Variants in PRDM2 observed in about 807,000 individuals in gnomAD.
PRDM2 encodes PR/SET domain 2.
In PRDM2, 30 loss-of-function variants were observed where a neutral mutation model predicts 130.0. That is an observed-to-expected ratio of 0.23 (90% CI 0.17 to 0.31). The LOEUF (loss-of-function observed/expected upper bound fraction) is 0.31. Among genes scored for constraint, PRDM2 ranks in the 10% least tolerant of loss-of-function variants. The pLI, the probability that PRDM2 is intolerant of heterozygous loss-of-function variation, is 1.00. For missense variants in PRDM2, 2,011 were observed against 2,108.4 expected (o/e 0.95, Z 0.90); for synonymous variants, 871 against 782.4 (o/e 1.11, Z -1.89).
rs746647797 is a variant in PRDM2, at chr1:13,781,041, A to G, written c.3246A>G (p.Ser1082=). 2 of 1,610,146 alleles carry G rather than the reference A, an allele frequency of 1.2e-6. No individual in the cohort carries two copies. The highest frequency in any genetic ancestry group is 1.3e-5 in the African/African-American group (1 of 74,554). Residue 1082 remains serine (S), a synonymous_variant, in exon 8 of 10, where the codon TCA becomes TCG. Transcript: ENST00000311066. This position sits in a 1 kb window ranked among gnomAD's most constrained non-coding sequence, Gnocchi z 6.1. ...SPSPPPLSAI[S]SVVSSGDNLE... is the part of the protein sequence containing the mutation. Reference sequence around the variant, plus strand: ...CTCCACCTCCTCTCTCCGCAATATCATCTGTTGTTTCCTCTGGTGATAATC... The same window carrying G: ...CTCCACCTCCTCTCTCCGCAATATCGTCTGTTGTTTCCTCTGGTGATAATC...
At chr1:13,704,742 T>G (rs1337550783) in intron 1 of PRDM2, 2 of 152,236 alleles carry the variant, frequency 1.3e-5, no homozygotes, top group Non-Finnish European at 2.9e-5. Flanking sequence ...TCACATAATT[T>G]AAATTATGCC....
chr1:13,792,473 C>A (rs1157212909), intron 8 of PRDM2, among the ~76,000 whole-genome samples: 1 of 152,114 alleles, frequency 6.6e-6, no homozygotes, highest in Non-Finnish European at 1.5e-5. Context: ...TTCAATTTTC[C>A]TTGCGGTAAC....
chr1:13,783,750 G>T (rs1168775567), intron 8 of PRDM2, among the ~76,000 whole-genome samples: 1 of 152,194 alleles, frequency 6.6e-6, no homozygotes, highest in Admixed American at 6.5e-5. Flanking sequence ...TTTCTGAATA[G>T]TTCAGTCTCA....
Position 13,700,238 on chromosome 1 carries a change from C to T in PRDM2, c.-128C>T, listed in dbSNP as rs1305277658. ...GCGGCGCGGCCGCGGGCGCCGGGGC[C>T]GGCGAAACAGCGGCGGCGGCGGCGG... On this transcript the variant is annotated 5_prime_UTR_variant, in exon 1 of 10. Transcript: ENST00000311066. 4 of 152,388 alleles carry T rather than the reference C, an allele frequency of 2.6e-5. No homozygotes were observed. The highest frequency in any genetic ancestry group is 2.4e-5 in the African/African-American group (1 of 41,328). 9.4% of individuals were successfully genotyped at this position (152,388 alleles called of 1,614,324 possible). A position where few individuals can be genotyped will look rare whatever the true frequency, so the allele number is the denominator to read the frequency against.
intron 6 of PRDM2, among the ~76,000 whole-genome samples, chr1:13,770,689 C>G (rs920925818): frequency 2.6e-5 from 4 of 152,092 alleles, no homozygotes; most frequent in African/African-American, 9.7e-5. Flanking sequence ...TAAGTAAGTA[C>G]TAAGTAAATG....
intron 8 of PRDM2, among the ~76,000 whole-genome samples, chr1:13,802,242 G>A (rs545959847): frequency 3.3e-5 from 5 of 152,162 alleles, no homozygotes; most frequent in Non-Finnish European, 7.3e-5. Flanking sequence ...CCAAGTGAGC[G>A]TGCCTTTCCC....
At chr1:13,796,939 A>G (rs553619623) in intron 8 of PRDM2, among the ~76,000 whole-genome samples, 6 of 152,378 alleles carry the variant, frequency 3.9e-5, no homozygotes, top group African/African-American at 1.2e-4. Flanking sequence ...GAACGAAACA[A>G]AAGTTTGGGT....
At chr1:13,789,728 C>T (rs1644808117) in intron 8 of PRDM2, among the ~76,000 whole-genome samples, 1 of 152,146 alleles carries the variant, frequency 6.6e-6, no homozygotes, top group Admixed American at 6.5e-5. Context: ...TAAAAAAAAT[C>T]ATAAAGGGCA....
chr1:13,793,531 G>GA (rs796322938), intron 8 of PRDM2, among the ~76,000 whole-genome samples: 3 of 152,172 alleles, frequency 2.0e-5, no homozygotes, highest in Non-Finnish European at 2.9e-5. Context: ...CCCTGAAAGA[G>GA]AAAAAAGCCC....
rs12059565 is a variant in PRDM2, at chr1:13,763,813, A to G, written c.512-9265A>G. Among the ~76,000 whole-genome samples, 962 of 152,278 alleles carry G rather than the reference A, an allele frequency of 6.3e-3. 9 individuals carry two copies. Among genetic ancestry groups the G allele is most frequent in the African/African-American group, 0.022 (912 of 41,552 alleles). ...AGATAGAAATATCATACCCTTATCA[A>G]TACTCTCTCACTGGGAGCCACCTGC... is the stretch of plus-strand genomic sequence containing the variant. On this transcript the variant is annotated intron_variant, in intron 6 of 9. Coordinates refer to ENST00000311066, the MANE Select transcript of PRDM2 (RefSeq NM_001393986.1).
In PRDM2 at chr1:13,779,701, G is replaced by A; in HGVS notation, c.1906G>A (p.Ala636Thr). The A allele has an allele frequency of 1.2e-6, 2 of 1,614,012 alleles. No homozygotes were observed. Among genetic ancestry groups the A allele is most frequent in the Non-Finnish European group, 1.7e-6 (2 of 1,179,978 alleles). Residue 636 changes from alanine (A) to threonine (T), a missense_variant, in exon 8 of 10, where the codon GCC (alanine) becomes ACC (threonine). Physicochemically the swap from Ala to Thr is moderately conservative, Grantham distance 58 (BLOSUM62 0). Coordinates refer to ENST00000311066, the MANE Select transcript of PRDM2 (RefSeq NM_001393986.1). The surrounding 1 kb of genome is among the most constrained non-coding windows in gnomAD (Gnocchi z 4.9). ...KEPLGSTNSEAKKRRTASPPA... is the reference protein window; with the variant it reads ...KEPLGSTNSETKKRRTASPPA... ...GCCTTTGGGCAGCACAAATAGTGAG[G>A]CCAAGAAGCGGAGAACTGCGAGCCC...
At chr1:13,743,614 T>C (rs1006130637) in intron 5 of PRDM2, among the ~76,000 whole-genome samples, 1 of 152,166 alleles carries the variant, frequency 6.6e-6, no homozygotes, top group South Asian at 2.1e-4. Flanking sequence ...CTCCATGGAG[T>C]TGAACACTTT....
intron 1 of PRDM2, among the ~76,000 whole-genome samples, chr1:13,701,774 A>G (rs1170280737): frequency 2.0e-5 from 3 of 152,146 alleles, no homozygotes; most frequent in Non-Finnish European, 2.9e-5. Context: ...TACTCAACAC[A>G]TCTGTTTTGG....
chr1:13,800,097 G>A (rs779200884), intron 8 of PRDM2, among the ~76,000 whole-genome samples: 13 of 152,164 alleles, frequency 8.5e-5, no homozygotes, highest in Non-Finnish European at 1.5e-4. Context: ...TCATAAATGC[G>A]GGGCCTACGC....
At chr1:13,723,665 C>A (rs1383705844) in intron 2 of PRDM2, among the ~76,000 whole-genome samples, 1 of 152,154 alleles carries the variant, frequency 6.6e-6, no homozygotes, top group Non-Finnish European at 1.5e-5. Flanking sequence ...CCGTTTCATT[C>A]TTTGATAAGG....
Position 13,816,451 on chromosome 1 carries a change from A to T in PRDM2, c.5061A>T (p.Arg1687=). 6.2e-7 allele frequency: 1 copy of T among 1,614,084 alleles called. No individual in the cohort carries two copies. Among genetic ancestry groups the T allele is most frequent in the Non-Finnish European group, 8.5e-7 (1 of 1,180,012 alleles). ...GCTACAGCCTCCGCTTGGCGTCCCG[A>T]TGCTCTCCACCAGCGGCCCCGTACA... ...DFSYSLRLAS[R]CSPPAAPYIT... Residue 1687 remains arginine (R), a synonymous_variant, in exon 9 of 10, where the codon CGA becomes CGT. Transcript: ENST00000311066.
At chr1:13,768,587 T>C (rs1644288039) in intron 6 of PRDM2, among the ~76,000 whole-genome samples, 1 of 151,324 alleles carries the variant, frequency 6.6e-6, no homozygotes, top group African/African-American at 2.4e-5. Context: ...ACCCACCATG[T>C]TGGCCAGGCT....
rs1645082128 is a variant in PRDM2 at position 13,806,098 on chromosome 1, G to A, written c.5037-10329G>A. On this transcript the variant is annotated intron_variant, in intron 8 of 9. Coordinates refer to ENST00000311066, the MANE Select transcript of PRDM2 (RefSeq NM_001393986.1). This position sits in a 1 kb window ranked among gnomAD's most constrained non-coding sequence, Gnocchi z 4.1. Reference sequence around the variant, plus strand: ...AGCAGCCCCCAGGATGCTCAATGCAGTGGTTGGTTTCCAGTCCCATCTCCC... The same window carrying A: ...AGCAGCCCCCAGGATGCTCAATGCAATGGTTGGTTTCCAGTCCCATCTCCC... Among the ~76,000 whole-genome samples the A allele has an allele frequency of 6.6e-6, 1 of 152,160 alleles. No homozygotes were observed. The highest frequency in any genetic ancestry group is 1.5e-5 in the Non-Finnish European group (1 of 68,020).
At position 13,789,108 on chromosome 1, in the gene PRDM2, A is replaced by G. The variant is rs533625398; in HGVS notation, c.5036+6277A>G. On this transcript the variant is annotated intron_variant, in intron 8 of 9. Coordinates refer to ENST00000311066, the MANE Select transcript of PRDM2 (RefSeq NM_001393986.1). ...GAACATGACAGGGACTCAGATGTTT[A>G]CTGGAGGAGTCACCAAGGAACCACA... is the stretch of plus-strand genomic sequence containing the variant. Among the ~76,000 whole-genome samples the G allele has an allele frequency of 2.6e-5, 4 of 152,276 alleles. No individual in the cohort carries two copies. The South Asian group carries it at 8.3e-4, about 32-fold the overall frequency.
Sources: gnomAD v4.1 joint callset for allele counts (sites outside exome capture counted in the v4.1 genomes callset) on GRCh38, gnomAD v4.1.1 for gene constraint, Gnocchi (gnomAD v3.1) non-coding constraint, MANE v1.5 for transcripts, NCBI Gene and HGNC (gene_info 2026-07-23, HGNC 2026-07-21) for gene names.